The following PARD3B variants were observed in gnomAD, a reference collection of about 807,000 sequenced individuals.
PARD3B encodes partitioning defective 3 homolog B.
PARD3B carries 103 observed loss-of-function variants against 130.2 expected under a neutral mutation model. That is an observed-to-expected ratio of 0.79 (90% CI 0.67 to 0.93). The LOEUF (loss-of-function observed/expected upper bound fraction) is 0.93. Among genes scored for constraint, PARD3B ranks in the 40% least tolerant of loss-of-function variants. The pLI is 0.00. For missense variants in PARD3B, 1,609 were observed against 1,499.2 expected, an observed-to-expected ratio of 1.07 and a Z score of -1.21; for synonymous variants, 583 against 553.2, an observed-to-expected ratio of 1.05 and a Z score of -0.76.
chr2:205,077,302 T>G (rs1220453660), intron 4 of PARD3B, among the ~76,000 whole-genome samples: 1 of 152,202 alleles, frequency 6.6e-6, no homozygotes, highest in Non-Finnish European at 1.5e-5. Context: ...GGTTTTGTTT[T>G]GCTTTTATCA....
chr2:204,804,317 G>T (rs1292615555), intron 2 of PARD3B, among the ~76,000 whole-genome samples: 1 of 152,042 alleles, frequency 6.6e-6, no homozygotes, highest in African/African-American at 2.4e-5. Context: ...GATATTCCAT[G>T]CAAATTGAAA....
intron 20 of PARD3B, among the ~76,000 whole-genome samples, chr2:205,491,906 G>A (rs2049731177): frequency 6.6e-6 from 1 of 152,182 alleles, no homozygotes; most frequent in South Asian, 2.1e-4. Context: ...GCAGCATCAG[G>A]ATGGCTGGGG....
At chr2:204,751,526 G>A (rs2040468940) in intron 2 of PARD3B, among the ~76,000 whole-genome samples, 1 of 152,116 alleles carries the variant, frequency 6.6e-6, no homozygotes, top group African/African-American at 2.4e-5. Flanking sequence ...CTTCCCTCCA[G>A]ATCTGGCCCA....
At chr2:204,704,059 C>G (rs939387301) in intron 2 of PARD3B, among the ~76,000 whole-genome samples, 1 of 152,016 alleles carries the variant, frequency 6.6e-6, no homozygotes, top group African/African-American at 2.4e-5. Flanking sequence ...AATGAGTGCT[C>G]AGGTATGAAG....
intron 2 of PARD3B, among the ~76,000 whole-genome samples, chr2:204,857,717 T>G (rs574814815): frequency 7.2e-5 from 11 of 152,284 alleles, no homozygotes; most frequent in African/African-American, 2.6e-4. Context: ...AGAATGTTTC[T>G]TTCCTCCAAG....
At chr2:205,297,188 A>T (rs1056655458) in intron 16 of PARD3B, among the ~76,000 whole-genome samples, 10 of 152,148 alleles carry the variant, frequency 6.6e-5, no homozygotes, top group African/African-American at 2.4e-4. Context: ...CTTCAATGGG[A>T]TCAATTGGCT....
At chr2:205,382,582 A>G (rs1559037978) in intron 18 of PARD3B, among the ~76,000 whole-genome samples, 2 of 152,064 alleles carry the variant, frequency 1.3e-5, no homozygotes, top group South Asian at 4.1e-4. Flanking sequence ...TTTACCATCC[A>G]TTAGTGGTTC....
intron 2 of PARD3B, among the ~76,000 whole-genome samples, chr2:204,955,657 G>A (rs1690175379): frequency 6.6e-6 from 1 of 152,078 alleles, no homozygotes; most frequent in South Asian, 2.1e-4. Context: ...CTGTAAAATG[G>A]GAATAACAGT....
At chr2:204,886,762 TG>T (rs1228844546) in intron 2 of PARD3B, among the ~76,000 whole-genome samples, 2 of 152,206 alleles carry the variant, frequency 1.3e-5, no homozygotes, top group African/African-American at 4.8e-5. Flanking sequence ...TTGGGCTACC[TG>T]GGATGGCTAA....
rs112693904 is a variant in PARD3B at position 205,572,573 on chromosome 2, C to A, written c.3260+19170C>A. On this transcript the variant is annotated intron_variant, in intron 22 of 22. Transcript: ENST00000406610. The surrounding 1 kb of genome is among the most constrained non-coding windows in gnomAD (Gnocchi z 4.2). ...CACCCCAAACAACATGGTGAAACCT[C>A]ATCTCTACTAAAATACAAAAAATTA... Among the ~76,000 whole-genome samples the A allele has an allele frequency of 5.4e-3, 817 of 152,230 alleles. 7 individuals carry two copies. Among genetic ancestry groups the A allele is most frequent in the African/African-American group, 0.019 (791 of 41,534 alleles).
chr2:204,804,997 A>G (rs545347074), intron 2 of PARD3B, among the ~76,000 whole-genome samples: 4 of 152,250 alleles, frequency 2.6e-5, no homozygotes, highest in African/African-American at 7.2e-5. Flanking sequence ...GTCTACAGCC[A>G]TCTTCAAATA....
At chr2:204,980,702 C>A (rs1377558897) in intron 3 of PARD3B, among the ~76,000 whole-genome samples, 1 of 152,064 alleles carries the variant, frequency 6.6e-6, no homozygotes, top group African/African-American at 2.4e-5. Context: ...TCAAACAAGC[C>A]CAAATTGAGG....
chr2:205,481,688 C>G (rs183765731), intron 20 of PARD3B, among the ~76,000 whole-genome samples: 201 of 152,284 alleles, frequency 1.3e-3, no homozygotes, highest in African/African-American at 4.3e-3. Context: ...CTCAAAACTA[C>G]CCTACTTGGT....
In PARD3B at chr2:205,262,165, G is replaced by T. The variant is rs575508236; in HGVS notation, c.2185+16343G>T. On this transcript the variant is annotated intron_variant, in intron 16 of 22. Coordinates refer to ENST00000406610, the MANE Select transcript of PARD3B (RefSeq NM_001302769.2). ...GAGTAAGTGGTGAGTTTGGCAAAGA[G>T]AATGGATTGAGAATTTGGATCAAGA... Among the ~76,000 whole-genome samples, 184 of 152,218 alleles carry T rather than the reference G, an allele frequency of 1.2e-3. 1 individual carries two copies. The highest frequency in any genetic ancestry group is 4.2e-3 in the African/African-American group (174 of 41,546).
intron 21 of PARD3B, among the ~76,000 whole-genome samples, chr2:205,551,139 G>C (rs1369803928): frequency 6.6e-6 from 1 of 151,346 alleles, no homozygotes; most frequent in Non-Finnish European, 1.5e-5. Flanking sequence ...GAATTTTATA[G>C]CTACAAGAAA....
chr2:205,202,326 T>A (rs2037039899), intron 15 of PARD3B, among the ~76,000 whole-genome samples: 1 of 152,210 alleles, frequency 6.6e-6, no homozygotes, highest in South Asian at 2.1e-4. Flanking sequence ...TAAAAATGGT[T>A]CTCTATGTCA....
intron 2 of PARD3B, among the ~76,000 whole-genome samples, chr2:204,788,897 G>A (rs1246524755): frequency 1.3e-5 from 2 of 152,124 alleles, no homozygotes; most frequent in Admixed American, 6.5e-5. Context: ...ATTGTATAAT[G>A]TGATGTAGAG....
chr2:205,108,870 T>C (rs1460041152), intron 5 of PARD3B, among the ~76,000 whole-genome samples: 1 of 152,230 alleles, frequency 6.6e-6, no homozygotes, highest in African/African-American at 2.4e-5. Flanking sequence ...AGTTTACTTC[T>C]AAAATGGATG....
intron 16 of PARD3B, among the ~76,000 whole-genome samples, chr2:205,252,025 T>C (rs192841194): frequency 6.6e-6 from 1 of 152,280 alleles, no homozygotes; most frequent in South Asian, 2.1e-4. Context: ...CTATACAAAG[T>C]TGATTGTGAA....
Sources: gnomAD v4.1 joint callset for allele counts (sites outside exome capture counted in the v4.1 genomes callset) on GRCh38, gnomAD v4.1.1 for gene constraint, Gnocchi (gnomAD v3.1) non-coding constraint, MANE v1.5 for transcripts, NCBI Gene and HGNC (gene_info 2026-07-23, HGNC 2026-07-21) for gene names.